The following SLC15A1 variants were observed in gnomAD, a reference collection of about 807,000 sequenced individuals.
SLC15A1 encodes solute carrier family 15 member 1, also known as Caco-2 oligopeptide transporter.
In SLC15A1, 83 loss-of-function variants were observed where a neutral mutation model predicts 92.9. That is an observed-to-expected ratio of 0.89 (90% confidence interval 0.75 to 1.07). SLC15A1 has a LOEUF of 1.07. Ranked by LOEUF, SLC15A1 falls within the 50% of genes least tolerant of loss-of-function variation. The probability of loss-of-function intolerance (pLI) is 0.00; values close to 1 mark genes in which losing one functional copy is unlikely to be tolerated. For missense variants in SLC15A1, 857 were observed against 880.1 expected, an observed-to-expected ratio of 0.97 and a Z score of 0.33; for synonymous variants, 322 against 318.2, an observed-to-expected ratio of 1.01 and a Z score of -0.13.
At chr13:98,745,540 T>C (rs143789274) in intron 1 of SLC15A1, among the ~76,000 whole-genome samples, 5 of 152,176 alleles carry the variant, frequency 3.3e-5, no homozygotes, top group Admixed American at 1.3e-4. Context: ...AGAGTGCTCC[T>C]AAGAAGAGGA....
chr13:98,735,961 T>C (rs557001979), intron 1 of SLC15A1, among the ~76,000 whole-genome samples: 45 of 152,294 alleles, frequency 3.0e-4, no homozygotes, highest in Non-Finnish European at 5.0e-4. Context: ...AAGCTACCAA[T>C]GACTTTCTTC....
intron 1 of SLC15A1, among the ~76,000 whole-genome samples, chr13:98,729,000 AAAAAAAC>A (rs1207723852): frequency 1.6e-4 from 24 of 147,278 alleles, no homozygotes; most frequent in South Asian, 4.3e-4. Context: ...AAAAAAAAAA[AAAAAAAC>A]AACAAGCCCC....
intron 1 of SLC15A1, among the ~76,000 whole-genome samples, chr13:98,749,876 C>T (rs569557901): frequency 5.9e-5 from 9 of 152,330 alleles, no homozygotes; most frequent in African/African-American, 1.9e-4. Flanking sequence ...TGTCTCAGTA[C>T]ATAATGAAGT....
chr13:98,744,520 G>C (rs1436177336), intron 1 of SLC15A1, among the ~76,000 whole-genome samples: 3 of 151,794 alleles, frequency 2.0e-5, no homozygotes. Context: ...GGAGGCCGAG[G>C]CGGGCAGATC....
At chr13:98,688,124 G>T in intron 20 of SLC15A1, 124 bp downstream of exon 20, 1 of 668,812 alleles carries the variant, frequency 1.5e-6, no homozygotes, top group Non-Finnish European at 2.5e-6. Context: ...TTAATTCTAA[G>T]CCCATTTAAA....
rs540714136 is a variant in SLC15A1 at position 98,712,508 on chromosome 13, T to C, written c.800A>G (p.Glu267Gly). The C allele has an allele frequency of 4.3e-6, 7 of 1,610,854 alleles. No individual in the cohort carries two copies. The East Asian group carries it at 1.3e-4, about 31-fold the overall frequency. Residue 267 changes from glutamate (E) to glycine (G), a missense_variant, in exon 10 of 23, where the codon GAG becomes GGG. Physicochemically the swap from Glu to Gly is moderately conservative, Grantham distance 98 (BLOSUM62 -2). Transcript: ENST00000376503. ...ATGACCGTTACTTACATCGTATTTC[T>C]CTTTAGCCCAGTCCAGCCAGTGCTC... Reference protein sequence around the residue: ...KREHWLDWAKEKYDERLISQI... With the variant: ...KREHWLDWAKGKYDERLISQI...
chr13:98,742,030 C>T (rs901664845), intron 1 of SLC15A1, among the ~76,000 whole-genome samples: 9 of 152,214 alleles, frequency 5.9e-5, no homozygotes, highest in Non-Finnish European at 7.3e-5. Context: ...CCTAGCCCTG[C>T]GGACCTTGCA....
intron 10 of SLC15A1, 139 bp downstream of exon 10, chr13:98,712,359 A>G: frequency 3.1e-6 from 2 of 654,038 alleles, no homozygotes; most frequent in Non-Finnish European, 5.3e-6. Context: ...GCACTCATGC[A>G]TAGTTTTATT....
chr13:98,721,653 C>T, intron 6 of SLC15A1, 68 bp from the exon 7 acceptor site: 1 of 1,266,456 alleles, frequency 7.9e-7, no homozygotes, highest in Non-Finnish European at 1.1e-6. Flanking sequence ...AGCTGATGAT[C>T]TCATTTTACT....
chr13:98,741,082 T>C (rs530653329), intron 1 of SLC15A1, among the ~76,000 whole-genome samples: 3 of 152,214 alleles, frequency 2.0e-5, no homozygotes, highest in African/African-American at 7.2e-5. Flanking sequence ...CACCCAGCAT[T>C]CTGGTGTGGA....
chr13:98,728,517 T>C (rs2088320496), intron 1 of SLC15A1, among the ~76,000 whole-genome samples: 1 of 152,010 alleles, frequency 6.6e-6, no homozygotes, highest in African/African-American at 2.4e-5. Context: ...ATTGATCTCA[T>C]GGAGGTAGTA....
intron 18 of SLC15A1, among the ~76,000 whole-genome samples, chr13:98,691,086 C>G (rs185755573): frequency 1.3e-5 from 2 of 152,138 alleles, no homozygotes; most frequent in African/African-American, 4.8e-5. Context: ...CCCTGTTGCC[C>G]AGGCTGGAGT....
intron 1 of SLC15A1, among the ~76,000 whole-genome samples, chr13:98,750,245 T>C (rs2088532787): frequency 6.6e-6 from 1 of 152,122 alleles, no homozygotes; most frequent in Non-Finnish European, 1.5e-5. Context: ...CCCTAGTAGC[T>C]GGGACAACAG....
Position 98,723,902 on chromosome 13 carries a change from A to T in SLC15A1, c.365+10T>A. ...GAGGGTGATGGGGGCAGCAGTGAGC[A>T]CCAACTCACACGTGCACAGGAAGGC... On this transcript the variant is annotated intron_variant, in intron 5 of 22. Transcript: ENST00000376503. 1 of 1,614,056 alleles carries T rather than the reference A, an allele frequency of 6.2e-7. No homozygotes were observed. Among genetic ancestry groups the T allele is most frequent in the South Asian group, 1.1e-5 (1 of 91,052 alleles).
chr13:98,687,127 A>AT (rs555745239), intron 21 of SLC15A1, among the ~76,000 whole-genome samples: 73 of 151,286 alleles, frequency 4.8e-4, no homozygotes, highest in East Asian at 2.7e-3. Flanking sequence ...TGTTTTTTTA[A>AT]TTTTTTTTAA....
rs144713544 is a variant in SLC15A1 at position 98,722,461 on chromosome 13, C to T, written c.366-558G>A. Among the ~76,000 whole-genome samples the T allele has an allele frequency of 6.0e-3, 797 of 133,890 alleles. 6 individuals carry two copies. The highest frequency in any genetic ancestry group is 0.013 in the Admixed American group (167 of 12,790). The allele number at this position is 133,890 out of a possible 152,430, so 87.8% of individuals were successfully genotyped here. On this transcript the variant is annotated intron_variant, in intron 5 of 22. Coordinates refer to ENST00000376503, the MANE Select transcript of SLC15A1 (RefSeq NM_005073.4). The stretch of plus-strand genomic sequence containing the variant: ...TACTCTTGTATTTTCTAGGTTATTG[C>T]TAAGTATTTTAACTCCTGAGTTGAA...
At chr13:98,751,637 C>A (rs2088547466) in intron 1 of SLC15A1, among the ~76,000 whole-genome samples, 1 of 152,190 alleles carries the variant, frequency 6.6e-6, no homozygotes, top group African/African-American at 2.4e-5. Flanking sequence ...AAGTGTGAAC[C>A]ACTCACTGCT....
chr13:98,744,825 CTCTT>C (rs2088480363), intron 1 of SLC15A1, among the ~76,000 whole-genome samples: 1 of 150,604 alleles, frequency 6.6e-6, no homozygotes, highest in African/African-American at 2.4e-5. Context: ...TTGCACATGG[CTCTT>C]TCCTATCATA....
intron 15 of SLC15A1, among the ~76,000 whole-genome samples, chr13:98,706,795 G>A (rs148709382): frequency 1.3e-5 from 2 of 152,250 alleles, no homozygotes; most frequent in Non-Finnish European, 2.9e-5. Context: ...TCAGCAGCAT[G>A]AGAATGGACT....
Sources: gnomAD v4.1 joint callset for allele counts (sites outside exome capture counted in the v4.1 genomes callset) on GRCh38, gnomAD v4.1.1 for gene constraint, MANE v1.5 for transcripts, NCBI Gene and HGNC (gene_info 2026-07-23, HGNC 2026-07-21) for gene names.